Variants in MLLT11 observed in about 807,000 individuals in gnomAD.
MLLT11 encodes MLLT11 transcription factor 7 cofactor, also known as protein AF1q.
A neutral mutation model predicts 5.3 loss-of-function variants in MLLT11; 1 was observed. That is an observed-to-expected ratio of 0.19 (90% CI 0.07 to 0.89). The LOEUF (loss-of-function observed/expected upper bound fraction) is 0.89, where lower values mean the gene tolerates loss of function less well. Among genes scored for constraint, MLLT11 ranks in the 40% least tolerant of loss-of-function variants. The probability of loss-of-function intolerance (pLI) is 0.67; values close to 1 mark genes in which losing one functional copy is unlikely to be tolerated. For missense variants in MLLT11, 87 were observed against 107.3 expected (o/e 0.81, Z 0.83); for synonymous variants, 38 against 41.7 (o/e 0.91, Z 0.34).
intron 1 of MLLT11, among the ~76,000 whole-genome samples, chr1:151,066,490 G>T (rs1676477931): frequency 1.3e-5 from 2 of 152,172 alleles, no homozygotes; most frequent in Admixed American, 6.5e-5. Flanking sequence ...AGCAAGACAG[G>T]AATGAGCATA....
In MLLT11 at chr1:151,069,092, G is replaced by T. The variant is rs1043818771; in HGVS notation, c.*1595G>T. 1.3e-5 allele frequency among the ~76,000 whole-genome samples: 2 copies of T among 152,200 alleles called. No individual in the cohort carries two copies. The highest frequency in any genetic ancestry group is 4.8e-5 in the African/African-American group (2 of 41,528). On this transcript the variant is annotated 3_prime_UTR_variant, in exon 2 of 2. Coordinates refer to ENST00000368921, the MANE Select transcript of MLLT11 (RefSeq NM_006818.4). ...TATATTTCAGGTAATAATTCTCCTA[G>T]GTGCCTAAGAAGATAAACGAATTCA...
At chr1:151,067,170 C>A (rs1475536270) in intron 1 of MLLT11, 49 bp from the exon 2 acceptor site, 3 of 1,551,614 alleles carry the variant, frequency 1.9e-6, no homozygotes, top group Non-Finnish European at 2.6e-6. Context: ...GGCCATGGGC[C>A]ACAAAGAAGT....
In MLLT11 at chr1:151,062,776, TG is replaced by T. The variant is rs1404631500; in HGVS notation, c.-7+2225del. ...GAACCCAGCTAGCTGTGAAAATAAC[TG>T]GTAACAGTAAGAATCCCTGTAGCCA... On this transcript the variant is annotated intron_variant, in intron 1 of 1. Coordinates refer to ENST00000368921, the MANE Select transcript of MLLT11 (RefSeq NM_006818.4). Among the ~76,000 whole-genome samples, 3 of 152,166 alleles carry T rather than the reference TG, an allele frequency of 2.0e-5. No individual in the cohort carries two copies. The East Asian group carries it at 5.8e-4, about 29-fold the overall frequency.
In MLLT11 at chr1:151,069,166, G is replaced by A. The variant is rs1401090625; in HGVS notation, c.*1669G>A. On this transcript the variant is annotated 3_prime_UTR_variant, in exon 2 of 2. Transcript: ENST00000368921. ...TTCTGGTTTTTGTGTGCCTGCTATA[G>A]GAAAGCACTGAGCCAAACAGAATGT... Among the ~76,000 whole-genome samples, 8 of 152,062 alleles carry A rather than the reference G, an allele frequency of 5.3e-5. No individual in the cohort carries two copies.
chr1:151,062,355 C>A (rs896998090), intron 1 of MLLT11, among the ~76,000 whole-genome samples: 1 of 150,720 alleles, frequency 6.6e-6, no homozygotes, highest in Non-Finnish European at 1.5e-5. Context: ...TTTTTCCCCC[C>A]ATGATTCTAT....
At chr1:151,060,670 G>C (rs1368172964) in intron 1 of MLLT11, 117 bp downstream of exon 1, 4 of 152,138 alleles carry the variant, frequency 2.6e-5, no homozygotes, top group Non-Finnish European at 5.9e-5. Flanking sequence ...AGAAGGGGGC[G>C]CTATGAACAA....
intron 1 of MLLT11, 63 bp from the exon 2 acceptor site, chr1:151,067,156 G>GA (rs1676486085): frequency 6.9e-7 from 1 of 1,450,630 alleles, no homozygotes; most frequent in Non-Finnish European, 9.5e-7. Context: ...TCTAAGCAAG[G>GA]AAAGGCCATG....
intron 1 of MLLT11, among the ~76,000 whole-genome samples, chr1:151,066,289 C>T (rs1275860058): frequency 6.6e-6 from 1 of 152,178 alleles, no homozygotes; most frequent in Non-Finnish European, 1.5e-5. Context: ...AGGCACAAAC[C>T]ACCATGCCTG....
At chr1:151,063,586 C>T (rs1161721273) in intron 1 of MLLT11, among the ~76,000 whole-genome samples, 6 of 152,082 alleles carry the variant, frequency 3.9e-5, no homozygotes, top group South Asian at 4.1e-4. Flanking sequence ...CCACCGCGCC[C>T]GGCTTAATAT....
intron 1 of MLLT11, among the ~76,000 whole-genome samples, chr1:151,063,580 C>T (rs1288513170): frequency 6.6e-6 from 1 of 152,194 alleles, no homozygotes; most frequent in Non-Finnish European, 1.5e-5. Flanking sequence ...CGCCCACCAC[C>T]GCGCCCGGCT....
Position 151,067,472 on chromosome 1 carries a change from A to G in MLLT11, c.248A>G (p.His83Arg), listed in dbSNP as rs779022320. The G allele has an allele frequency of 4.3e-6, 7 of 1,613,396 alleles. No homozygotes were observed. The South Asian group carries it at 7.7e-5, about 18-fold the overall frequency. ...NFWRAPIASI[H>R]SFELDLL ...TGGAGAGCTCCCATTGCCAGCATCC[A>G]CTCCTTCGAACTGGACTTGCTCTAA... Residue 83 changes from histidine (H) to arginine (R), a missense_variant, in exon 2 of 2, where the codon CAC becomes CGC. Physicochemically the swap from His to Arg is conservative, Grantham distance 29 (BLOSUM62 0). Coordinates refer to ENST00000368921, the MANE Select transcript of MLLT11 (RefSeq NM_006818.4).
chr1:151,066,088 C>A (rs1676472423), intron 1 of MLLT11, among the ~76,000 whole-genome samples: 1 of 152,178 alleles, frequency 6.6e-6, no homozygotes, highest in African/African-American at 2.4e-5. Context: ...CATCCGCCTG[C>A]CTTAGCCTCC....
At chr1:151,063,043 C>T (rs969994357) in intron 1 of MLLT11, among the ~76,000 whole-genome samples, 1 of 152,178 alleles carries the variant, frequency 6.6e-6, no homozygotes, top group African/African-American at 2.4e-5. Flanking sequence ...TAAGCAGCTT[C>T]TCTGCTGAGT....
chr1:151,067,469 T>A lies in MLLT11; in HGVS notation c.245T>A (p.Ile82Asn). ...FNFWRAPIASIHSFELDLL is the reference protein window; with the variant it reads ...FNFWRAPIASNHSFELDLL The stretch of plus-strand genomic sequence containing the variant: ...TTCTGGAGAGCTCCCATTGCCAGCA[T>A]CCACTCCTTCGAACTGGACTTGCTC... Residue 82 changes from isoleucine (I) to asparagine (N), a missense_variant, in exon 2 of 2, where the codon ATC becomes AAC. Transcript: ENST00000368921. The A allele has an allele frequency of 3.1e-6, 5 of 1,614,014 alleles. No homozygotes were observed. Among genetic ancestry groups the A allele is most frequent in the Non-Finnish European group, 4.2e-6 (5 of 1,180,018 alleles).
intron 1 of MLLT11, among the ~76,000 whole-genome samples, chr1:151,061,268 G>C (rs1049996551): frequency 3.3e-5 from 5 of 152,082 alleles, no homozygotes; most frequent in Admixed American, 6.6e-5. Flanking sequence ...TGTCAGAGAG[G>C]TTCTGCTCCC....
At chr1:151,064,470 TTTGTGTACAAAGCCCACCAC>T (rs141951863) in intron 1 of MLLT11, among the ~76,000 whole-genome samples, 1,788 of 152,340 alleles carry the variant, frequency 0.012, 47 homozygotes, top group African/African-American at 0.041. Flanking sequence ...CTTGAATGGC[TTTGTGTACAAAGCCCACCAC>T]TTGTGTACAG....
chr1:151,062,549 G>A (rs1571855963), intron 1 of MLLT11, among the ~76,000 whole-genome samples: 3 of 152,126 alleles, frequency 2.0e-5, no homozygotes. Context: ...TTTTAGTAAA[G>A]ACGGGGTTTC....
chr1:151,067,327 A>G lies in MLLT11; in HGVS notation c.103A>G (p.Thr35Ala). The G allele has an allele frequency of 6.2e-7, 1 of 1,614,164 alleles. No homozygotes were observed. The highest frequency in any genetic ancestry group is 8.5e-7 in the Non-Finnish European group (1 of 1,180,034). The change falls in exon 2 of 2, where the codon ACA (threonine) becomes GCA (alanine). Residue 35 changes from threonine (T) to alanine (A), a missense_variant. Coordinates refer to ENST00000368921, the MANE Select transcript of MLLT11 (RefSeq NM_006818.4). ...SELEGLGLSD[T>A]ATYKVKDSSV... is the part of the protein sequence containing the mutation. ...GCTGGAAGGCCTGGGTCTGTCAGAT[A>G]CAGCCACCTACAAGGTCAAAGACAG...
intron 1 of MLLT11, among the ~76,000 whole-genome samples, chr1:151,065,317 C>A (rs981622108): frequency 3.3e-5 from 5 of 152,184 alleles, no homozygotes; most frequent in Non-Finnish European, 4.4e-5. Flanking sequence ...TATTTCATAA[C>A]ATTTGCTTTA....
Sources: allele counts gnomAD v4.1 joint callset (sites outside exome capture counted in the v4.1 genomes callset), GRCh38; gene constraint gnomAD v4.1.1; transcripts MANE v1.5; gene names NCBI Gene and HGNC (gene_info 2026-07-23, HGNC 2026-07-21).